Variants in TSHZ2 observed in about 807,000 individuals in gnomAD.
TSHZ2 encodes teashirt zinc finger homeobox 2, also known as teashirt homolog 2.
TSHZ2 carries 21 observed loss-of-function variants against 74.4 expected under a neutral mutation model. The ratio of observed to expected loss-of-function variants is 0.28; its 90% CI spans 0.20 to 0.41. The LOEUF (loss-of-function observed/expected upper bound fraction) is 0.41, where lower values mean the gene tolerates loss of function less well. Among genes scored for constraint, TSHZ2 ranks in the 10% least tolerant of loss-of-function variants. The pLI is 1.00. For missense variants in TSHZ2, 1,244 were observed against 1,293.5 expected, an observed-to-expected ratio of 0.96 and a Z score of 0.59; for synonymous variants, 540 against 515.3, an observed-to-expected ratio of 1.05 and a Z score of -0.65.
At chr20:53,446,508 G>A (rs1468497635) in intron 2 of TSHZ2, among the ~76,000 whole-genome samples, 9 of 150,520 alleles carry the variant, frequency 6.0e-5, no homozygotes, top group Non-Finnish European at 7.4e-5. Context: ...GAACCCAGGC[G>A]GCAGAGCTTG....
intron 2 of TSHZ2, among the ~76,000 whole-genome samples, chr20:53,352,425 A>T (rs77002106): frequency 6.6e-6 from 1 of 152,208 alleles, no homozygotes; most frequent in East Asian, 1.9e-4. Flanking sequence ...TTAATAGCTA[A>T]TGATGACTTA....
At chr20:53,040,819 C>T (rs1022453073) in intron 1 of TSHZ2, among the ~76,000 whole-genome samples, 1 of 152,158 alleles carries the variant, frequency 6.6e-6, no homozygotes, top group Non-Finnish European at 1.5e-5. Flanking sequence ...ATCAGCTCAG[C>T]CTTCCTTAGG....
chr20:53,173,642 T>A (rs943284540), intron 1 of TSHZ2, among the ~76,000 whole-genome samples: 3 of 151,418 alleles, frequency 2.0e-5, no homozygotes, highest in Admixed American at 6.6e-5. Flanking sequence ...ATAAAGCAGA[T>A]CCATATGGAT....
chr20:53,282,825 A>G (rs6097334), intron 2 of TSHZ2, among the ~76,000 whole-genome samples: 36,088 of 152,084 alleles, frequency 0.24, 5,725 homozygotes, highest in African/African-American at 0.45. Flanking sequence ...ATTTGTGTCA[A>G]TTGCTTGCTG....
chr20:53,340,173 C>CTTTGTT (rs1285149762), intron 2 of TSHZ2, among the ~76,000 whole-genome samples: 1 of 62,122 alleles, frequency 1.6e-5, no homozygotes, highest in Non-Finnish European at 3.2e-5. Flanking sequence ...GGTGACTTTT[C>CTTTGTT]TTTCTTTTTT....
intron 2 of TSHZ2, among the ~76,000 whole-genome samples, chr20:53,395,015 C>T (rs188731388): frequency 2.4e-4 from 36 of 152,176 alleles, no homozygotes; most frequent in Non-Finnish European, 4.6e-4. Context: ...CTAGAAGCTG[C>T]GCTAGTCAAG....
chr20:53,327,698 G>A (rs145563256), intron 2 of TSHZ2, among the ~76,000 whole-genome samples: 29 of 152,336 alleles, frequency 1.9e-4, no homozygotes, highest in Middle Eastern at 3.4e-3. Context: ...TCAGTGAATA[G>A]TCAGAGAAAG....
intron 1 of TSHZ2, among the ~76,000 whole-genome samples, chr20:53,009,364 T>C (rs1479439148): frequency 6.6e-6 from 1 of 151,774 alleles, no homozygotes; most frequent in African/African-American, 2.4e-5. Context: ...AAACAAAAAA[T>C]ATACAAGCAA....
chr20:53,103,440 T>C (rs1986274211), intron 1 of TSHZ2, among the ~76,000 whole-genome samples: 1 of 152,212 alleles, frequency 6.6e-6, no homozygotes, highest in Non-Finnish European at 1.5e-5. Flanking sequence ...TGTGCATTGA[T>C]TGCTTTTATT....
At chr20:53,406,592 AC>A (rs144581075) in intron 2 of TSHZ2, among the ~76,000 whole-genome samples, 9 of 152,146 alleles carry the variant, frequency 5.9e-5, no homozygotes, top group African/African-American at 2.2e-4. Flanking sequence ...GCTTGCAGGA[AC>A]CCCCAATTCC....
chr20:52,987,508 T>C (rs1981817887), intron 1 of TSHZ2, among the ~76,000 whole-genome samples: 1 of 151,206 alleles, frequency 6.6e-6, no homozygotes, highest in Non-Finnish European at 1.5e-5. Context: ...CCTCTCTCTT[T>C]CTCCCTCTCT....
chr20:53,185,258 A>G, intron 1 of TSHZ2: 2 of 1,010,418 alleles, frequency 2.0e-6, no homozygotes, highest in African/African-American at 1.7e-5. Flanking sequence ...AGTGATGCAT[A>G]AAACCTCGTG....
intron 2 of TSHZ2, among the ~76,000 whole-genome samples, chr20:53,321,084 G>A (rs1000710857): frequency 2.0e-5 from 3 of 152,140 alleles, no homozygotes; most frequent in African/African-American, 4.8e-5. Flanking sequence ...CACAATTTTT[G>A]TGGAGCAACC....
At chr20:53,469,692 CCAAGAAAGATA>C in intron 2 of TSHZ2, among the ~76,000 whole-genome samples, 1 of 39,416 alleles carries the variant, frequency 2.5e-5, no homozygotes, top group African/African-American at 1.2e-4. Flanking sequence ...AAGGACGGAC[CCAAGAAAGATA>C]GAGAAAGAGA....
intron 2 of TSHZ2, among the ~76,000 whole-genome samples, chr20:53,313,817 TA>T (rs1205919221): frequency 3.3e-5 from 5 of 152,226 alleles, no homozygotes; most frequent in African/African-American, 1.2e-4. Flanking sequence ...TGCATAATTT[TA>T]TGTGATCTTT....
rs973813683 is a variant in TSHZ2 at position 53,090,272 on chromosome 20, C to G, written c.40+116939C>G. 2.6e-5 allele frequency among the ~76,000 whole-genome samples: 4 copies of G among 152,196 alleles called. No homozygotes were observed. The East Asian group carries it at 7.7e-4, about 29-fold the overall frequency. Reference sequence around the variant, plus strand: ...ACCCAGACTGAGGGTGGGTCTGCCTCTCCCACACCACTGACTCCAATGTTA... The same window carrying G: ...ACCCAGACTGAGGGTGGGTCTGCCTGTCCCACACCACTGACTCCAATGTTA... On this transcript the variant is annotated intron_variant, in intron 1 of 2. Coordinates refer to ENST00000371497, the MANE Select transcript of TSHZ2 (RefSeq NM_173485.6).
chr20:53,217,165 C>G (rs1230021913), intron 1 of TSHZ2, among the ~76,000 whole-genome samples: 2 of 152,162 alleles, frequency 1.3e-5, no homozygotes, highest in Admixed American at 1.3e-4. Context: ...GAAGCTGTGT[C>G]CTCCCAAGTT....
intron 1 of TSHZ2, among the ~76,000 whole-genome samples, chr20:53,253,039 A>G (rs1486624320): frequency 6.6e-6 from 1 of 152,168 alleles, no homozygotes; most frequent in East Asian, 1.9e-4. Flanking sequence ...ATATGGTTAT[A>G]TGCCAATATA....
chr20:53,066,782 A>C (rs1275176324), intron 1 of TSHZ2, among the ~76,000 whole-genome samples: 1 of 152,208 alleles, frequency 6.6e-6, no homozygotes, highest in Non-Finnish European at 1.5e-5. Context: ...TTGGGATTAC[A>C]GGCGTGAGCC....
Sources: allele counts gnomAD v4.1 joint callset (sites outside exome capture counted in the v4.1 genomes callset), GRCh38; gene constraint gnomAD v4.1.1; transcripts MANE v1.5; gene names NCBI Gene and HGNC (gene_info 2026-07-23, HGNC 2026-07-21).